The following KCNQ1 variants were observed in gnomAD, a reference collection of about 807,000 sequenced individuals.
The protein encoded by KCNQ1 is potassium voltage-gated channel subfamily Q member 1.
A neutral mutation model predicts 72.4 loss-of-function variants in KCNQ1; 49 were observed. The ratio of observed to expected loss-of-function variants is 0.68; its 90% CI spans 0.54 to 0.86. The LOEUF (loss-of-function observed/expected upper bound fraction) is 0.86, where lower values mean the gene tolerates loss of function less well. Ranked by LOEUF, KCNQ1 falls within the 40% of genes least tolerant of loss-of-function variation. The pLI, the probability that KCNQ1 is intolerant of heterozygous loss-of-function variation, is 0.00. For synonymous variants in KCNQ1, 450 were observed against 412.6 expected (o/e 1.09, Z -1.10); for missense variants, 790 against 945.1 (o/e 0.84, Z 2.15).
rs552403843 is a variant in KCNQ1 at position 2,589,306 on chromosome 11, C to T, written c.1393+452C>T. Among the ~76,000 whole-genome samples the T allele has an allele frequency of 3.9e-5, 6 of 152,210 alleles. No homozygotes were observed. The South Asian group carries it at 6.2e-4, about 16-fold the overall frequency. ...CCCGGGTAAAACGTGGGGGGCCTGACGGGACAGGCCCTTCTCATGCAGCCC... is the reference window on the plus strand; with the variant it reads ...CCCGGGTAAAACGTGGGGGGCCTGATGGGACAGGCCCTTCTCATGCAGCCC... On this transcript the variant is annotated intron_variant, in intron 10 of 15. Coordinates refer to ENST00000155840, the MANE Select transcript of KCNQ1 (RefSeq NM_000218.3).
chr11:2,570,676 T>C lies in KCNQ1; in HGVS notation c.526T>C (p.Trp176Arg), dbSNP rs1554892900. Reference sequence around the variant, plus strand: ...CGGGACGGAGTACGTGGTCCGCCTCTGGTCCGCCGGCTGCCGCAGCAAGTA... The same window carrying C: ...CGGGACGGAGTACGTGGTCCGCCTCCGGTCCGCCGGCTGCCGCAGCAAGTA... ...FFGTEYVVRL[W>R]SAGCRSKYVG... Residue 176 changes from tryptophan (W) to arginine (R), a missense_variant, in exon 3 of 16, where the codon TGG (tryptophan) becomes CGG (arginine). Physicochemically the swap from Trp to Arg is moderately radical, Grantham distance 101 (BLOSUM62 -3). Around this residue, in one of 5 missense-constraint regions of KCNQ1, gnomAD observed 294 missense variants for 323.3 expected, o/e 0.91. Coordinates refer to ENST00000155840, the MANE Select transcript of KCNQ1 (RefSeq NM_000218.3). 6.2e-7 allele frequency: 1 copy of C among 1,612,668 alleles called. No homozygotes were observed.
chr11:2,649,354 T>C, intron 10 of KCNQ1: 1 of 398,554 alleles, frequency 2.5e-6, no homozygotes, highest in South Asian at 1.3e-4. Context: ...TTTTCCTTTC[T>C]CATTTGTGTA....
intron 15 of KCNQ1, among the ~76,000 whole-genome samples, chr11:2,788,374 G>A (rs564265098): frequency 2.6e-4 from 39 of 152,322 alleles, no homozygotes; most frequent in African/African-American, 9.1e-4. Flanking sequence ...GTGCTGCTCA[G>A]CAGACTGTGA....
At chr11:2,709,220 G>GCCCCCCCCCCCCCC (rs34617956) in intron 11 of KCNQ1, among the ~76,000 whole-genome samples, 61 of 130,040 alleles carry the variant, frequency 4.7e-4, no homozygotes, top group South Asian at 1.2e-3. Flanking sequence ...CGGCTTCCAG[G>GCCCCCCCCCCCCCC]CCCCCCCCAC....
At chr11:2,649,794 A>G (rs1048436816) in intron 10 of KCNQ1, 5 of 398,286 alleles carry the variant, frequency 1.3e-5, no homozygotes, top group African/African-American at 1.0e-4. Flanking sequence ...GGTTGAATCT[A>G]TTTAGGGATT....
chr11:2,761,270 G>A lies in KCNQ1; in HGVS notation c.1515-7574G>A, dbSNP rs537737120. Among the ~76,000 whole-genome samples, 848 of 111,066 alleles carry A rather than the reference G, an allele frequency of 7.6e-3. 7 individuals are homozygous for A. Among genetic ancestry groups the A allele is most frequent in the African/African-American group, 0.025 (803 of 31,898 alleles). The allele number at this position is 111,066 out of a possible 152,430, so 72.9% of individuals were successfully genotyped here. On this transcript the variant is annotated intron_variant, in intron 11 of 15. Transcript: ENST00000155840. ...CCGGTCAATGGTCTGCCGGCCTGTC[G>A]GTGCCTGTTGGTGCCTGTCGGTGTG...
rs1325540955 is a variant in KCNQ1, at chr11:2,750,531, C to T, written c.1515-18313C>T. 6.6e-6 allele frequency among the ~76,000 whole-genome samples: 1 copy of T among 152,208 alleles called. No individual in the cohort carries two copies. Among genetic ancestry groups the T allele is most frequent in the African/African-American group, 2.4e-5 (1 of 41,448 alleles). On this transcript the variant is annotated intron_variant, in intron 11 of 15. Coordinates refer to ENST00000155840, the MANE Select transcript of KCNQ1 (RefSeq NM_000218.3). The surrounding 1 kb of genome is among the most constrained non-coding windows in gnomAD (Gnocchi z 6.3). ...TCTTTTCCTCTCCTGCCTGGTAACC[C>T]TCTCTGCAGAGGCCCTGGCTGGACC...
At chr11:2,605,633 C>T (rs1470190284) in intron 10 of KCNQ1, among the ~76,000 whole-genome samples, 1 of 152,150 alleles carries the variant, frequency 6.6e-6, no homozygotes, top group Non-Finnish European at 1.5e-5. Context: ...GATTCTATTC[C>T]CTTGATCTAC....
chr11:2,588,754 G>A lies in KCNQ1; in HGVS notation c.1293G>A (p.Val431=). 6.2e-7 allele frequency: 1 copy of A among 1,613,682 alleles called. No homozygotes were observed. Among genetic ancestry groups the A allele is most frequent in the Non-Finnish European group, 8.5e-7 (1 of 1,179,920 alleles). Residue 431 remains valine (V), a synonymous_variant, in exon 10 of 16, where the codon GTG becomes GTA. Transcript: ENST00000155840. This position sits in a 1 kb window ranked among gnomAD's most constrained non-coding sequence, Gnocchi z 5.6. Reference sequence around the variant, plus strand: ...TCAAGCTGGACAAAGACAATGGGGTGACTCCTGGAGAGAAGATGCTCACAG... The same window carrying A: ...TCAAGCTGGACAAAGACAATGGGGTAACTCCTGGAGAGAAGATGCTCACAG... The part of the protein sequence containing the change: ...KKFKLDKDNG[V]TPGEKMLTVP...
chr11:2,604,475 C>G (rs1848851440), intron 10 of KCNQ1, among the ~76,000 whole-genome samples: 1 of 150,366 alleles, frequency 6.7e-6, no homozygotes, highest in Non-Finnish European at 1.5e-5. Flanking sequence ...AAGACTGTTT[C>G]AAAAAAACAA....
intron 15 of KCNQ1, among the ~76,000 whole-genome samples, chr11:2,786,006 A>AT (rs2134001723): frequency 6.6e-6 from 1 of 152,216 alleles, no homozygotes; most frequent in South Asian, 2.1e-4. Context: ...TGTTTTATAC[A>AT]ATCAATATTT....
chr11:2,730,712 G>A (rs1485921633), intron 11 of KCNQ1, among the ~76,000 whole-genome samples: 1 of 152,206 alleles, frequency 6.6e-6, no homozygotes, highest in Non-Finnish European at 1.5e-5. Flanking sequence ...TGGGGGAGGC[G>A]GATTATGGTA....
rs193238249 is a variant in KCNQ1 at position 2,698,791 on chromosome 11, A to C, written c.1514+36710A>C. 2.5e-6 allele frequency: 1 copy of C among 398,536 alleles called. No individual in the cohort carries two copies. The highest frequency in any genetic ancestry group is 4.4e-6 in the Non-Finnish European group (1 of 226,142). The allele number at this position is 398,536 out of a possible 1,614,324, so 24.7% of individuals were successfully genotyped here. A position where few individuals can be genotyped will look rare whatever the true frequency, so the allele number is the denominator to read the frequency against. ...CTCCAGACCGGGATTCAGGTCCCCAACTCAGACTCCCGATCCTCTGTCCCT... is the reference window on the plus strand; with the variant it reads ...CTCCAGACCGGGATTCAGGTCCCCACCTCAGACTCCCGATCCTCTGTCCCT... On this transcript the variant is annotated intron_variant, in intron 11 of 15. Coordinates refer to ENST00000155840, the MANE Select transcript of KCNQ1 (RefSeq NM_000218.3). This position sits in a 1 kb window ranked among gnomAD's most constrained non-coding sequence, Gnocchi z 5.1.
chr11:2,654,838 C>T lies in KCNQ1; in HGVS notation c.1394-7123C>T, dbSNP rs1285113587. The T allele has an allele frequency of 2.5e-6, 1 of 398,438 alleles. No individual in the cohort carries two copies. Among genetic ancestry groups the T allele is most frequent in the Non-Finnish European group, 4.4e-6 (1 of 226,094 alleles). The allele number at this position is 398,438 out of a possible 1,614,324, so 24.7% of individuals were successfully genotyped here. Reference sequence around the variant, plus strand: ...TCATGATAGGAGAGCTCTATGTAGCCTCATGGGCAGCTCCAGGCCAGGTGG... The same window carrying T: ...TCATGATAGGAGAGCTCTATGTAGCTTCATGGGCAGCTCCAGGCCAGGTGG... On this transcript the variant is annotated intron_variant, in intron 10 of 15. Transcript: ENST00000155840. This position sits in a 1 kb window ranked among gnomAD's most constrained non-coding sequence, Gnocchi z 6.4.
At chr11:2,587,490 G>T in intron 8 of KCNQ1, 80 bp from the exon 9 acceptor site, 2 of 1,594,902 alleles carry the variant, frequency 1.3e-6, no homozygotes, top group Non-Finnish European at 1.7e-6. Context: ...TGGGGAACAG[G>T]GAGGGGGAGC....
chr11:2,566,951 C>A lies in KCNQ1; in HGVS notation c.478-3677C>A, dbSNP rs1302833750. 6.8e-6 allele frequency among the ~76,000 whole-genome samples: 1 copy of A among 146,260 alleles called. No individual in the cohort carries two copies. Among genetic ancestry groups the A allele is most frequent in the Non-Finnish European group, 1.5e-5 (1 of 66,630 alleles). On this transcript the variant is annotated intron_variant, in intron 2 of 15. Coordinates refer to ENST00000155840, the MANE Select transcript of KCNQ1 (RefSeq NM_000218.3). The surrounding 1 kb of genome is among the most constrained non-coding windows in gnomAD (Gnocchi z 6.7). ...GGGGGTGATGGGGGTGCTGAGCTGG[C>A]CTGAGAAGGGTGGGGTAACCTAGGG...
intron 2 of KCNQ1, among the ~76,000 whole-genome samples, chr11:2,534,775 C>T (rs1237241211): frequency 6.6e-6 from 1 of 152,236 alleles, no homozygotes; most frequent in Non-Finnish European, 1.5e-5. Flanking sequence ...AGAACGCGGT[C>T]GTCTTCTCCC....
rs199472685 is a variant in KCNQ1 at position 2,527,942 on chromosome 11, T to C, written c.401T>C (p.Leu134Pro). 1 of 1,614,110 alleles carries C rather than the reference T, an allele frequency of 6.2e-7. No homozygotes were observed. The highest frequency in any genetic ancestry group is 8.5e-7 in the Non-Finnish European group (1 of 1,179,994). The change falls in exon 2 of 16, where the codon CTG becomes CCG. Residue 134 changes from leucine to proline, a missense_variant. Coordinates refer to ENST00000155840, the MANE Select transcript of KCNQ1 (RefSeq NM_000218.3). ...VYHFAVFLIV[L>P]VCLIFSVLST... ...CTGTCTTGCAGCTTCCTCATCGTCCTGGTCTGCCTCATCTTCAGCGTGCTG... is the reference window on the plus strand; with the variant it reads ...CTGTCTTGCAGCTTCCTCATCGTCCCGGTCTGCCTCATCTTCAGCGTGCTG...
At chr11:2,605,001 G>A (rs1270218035) in intron 10 of KCNQ1, among the ~76,000 whole-genome samples, 1 of 152,184 alleles carries the variant, frequency 6.6e-6, no homozygotes, top group African/African-American at 2.4e-5. Context: ...TGGTTGTTAA[G>A]CAGTATCTCC....
Sources: gnomAD v4.1 joint callset for allele counts (sites outside exome capture counted in the v4.1 genomes callset) on GRCh38, gnomAD v4.1.1 for gene constraint, gnomAD v4.1.1 regional missense constraint, Gnocchi (gnomAD v3.1) non-coding constraint, MANE v1.5 for transcripts, NCBI Gene and HGNC (gene_info 2026-07-23, HGNC 2026-07-21) for gene names.